The following HOMER1 variants were observed in gnomAD, a reference collection of about 807,000 sequenced individuals.
The protein encoded by HOMER1 is homer protein homolog 1.
A neutral mutation model predicts 48.9 loss-of-function variants in HOMER1; 3 were observed. That is an observed-to-expected ratio of 0.06 (90% CI 0.03 to 0.16). The LOEUF (loss-of-function observed/expected upper bound fraction) is 0.16, where lower values mean the gene tolerates loss of function less well. Among genes scored for constraint, HOMER1 ranks in the 10% least tolerant of loss-of-function variants. HOMER1 has a pLI of 1.00. For synonymous variants in HOMER1, 134 were observed against 146.4 expected (o/e 0.92, Z 0.61); for missense variants, 247 against 411.4 (o/e 0.60, Z 3.46).
intron 1 of HOMER1, among the ~76,000 whole-genome samples, chr5:79,490,622 T>C (rs1752241618): frequency 6.6e-6 from 1 of 151,984 alleles, no homozygotes; most frequent in South Asian, 2.1e-4. Context: ...AAAGAATCAA[T>C]GAAGTCAGAA....
chr5:79,437,654 AC>A (rs1260381124), intron 5 of HOMER1, among the ~76,000 whole-genome samples: 1 of 152,030 alleles, frequency 6.6e-6, no homozygotes, highest in Non-Finnish European at 1.5e-5. Flanking sequence ...TCCTAAACAA[AC>A]CTTTTTTGTT....
chr5:79,432,782 C>G (rs1750459661), intron 5 of HOMER1, among the ~76,000 whole-genome samples: 1 of 152,100 alleles, frequency 6.6e-6, no homozygotes. Context: ...GAATGCAGAA[C>G]AATGTACATG....
chr5:79,485,468 TTC>T (rs1752071841), intron 1 of HOMER1, among the ~76,000 whole-genome samples: 1 of 152,154 alleles, frequency 6.6e-6, no homozygotes. Context: ...CTCCTGGTGT[TTC>T]TGTGTATTTG....
At chr5:79,382,644 C>G (rs1027343680) in intron 8 of HOMER1, among the ~76,000 whole-genome samples, 1 of 152,196 alleles carries the variant, frequency 6.6e-6, no homozygotes, top group Non-Finnish European at 1.5e-5. Context: ...TATACCAGCC[C>G]TACAAGAAAT....
At chr5:79,409,613 G>C (rs1264913541) in intron 5 of HOMER1, among the ~76,000 whole-genome samples, 1 of 152,062 alleles carries the variant, frequency 6.6e-6, no homozygotes, top group Non-Finnish European at 1.5e-5. Flanking sequence ...TGGAAAGAGA[G>C]AAAATATTTG....
chr5:79,468,327 A>G (rs2112320560), intron 1 of HOMER1, among the ~76,000 whole-genome samples: 1 of 152,348 alleles, frequency 6.6e-6, no homozygotes, highest in South Asian at 2.1e-4. Flanking sequence ...CAGATCAAGT[A>G]TTTCCAATAA....
chr5:79,483,285 AG>A (rs1751997999), intron 1 of HOMER1, among the ~76,000 whole-genome samples: 1 of 152,186 alleles, frequency 6.6e-6, no homozygotes, highest in African/African-American at 2.4e-5. Context: ...ATATCTATAA[AG>A]TATAGAAAGA....
intron 2 of HOMER1, among the ~76,000 whole-genome samples, chr5:79,452,095 T>TG (rs1283473153): frequency 1.3e-5 from 2 of 152,182 alleles, no homozygotes; most frequent in African/African-American, 4.8e-5. Context: ...CTGCAGAACC[T>TG]GCATATACGA....
chr5:79,507,075 T>G (rs1244627609), intron 1 of HOMER1, among the ~76,000 whole-genome samples: 2 of 151,402 alleles, frequency 1.3e-5, no homozygotes, highest in Non-Finnish European at 2.9e-5. Flanking sequence ...TAGCCAGGTG[T>G]GGTGGCGCGC....
At chr5:79,427,029 A>G (rs948327063) in intron 5 of HOMER1, among the ~76,000 whole-genome samples, 10 of 152,214 alleles carry the variant, frequency 6.6e-5, no homozygotes, top group African/African-American at 9.6e-5. Context: ...GTCCTTTGAC[A>G]TAATTATGGC....
At chr5:79,507,585 AATT>A (rs1388614373) in intron 1 of HOMER1, among the ~76,000 whole-genome samples, 1 of 152,158 alleles carries the variant, frequency 6.6e-6, no homozygotes. Flanking sequence ...ATCAGAAAAA[AATT>A]ATATCAGAAA....
At chr5:79,423,884 C>T (rs112257833) in intron 5 of HOMER1, among the ~76,000 whole-genome samples, 13 of 152,076 alleles carry the variant, frequency 8.5e-5, no homozygotes, top group African/African-American at 2.2e-4. Context: ...TAAGTGCAAT[C>T]CCTTCATTTT....
Position 79,487,151 on chromosome 5 carries a change from C to T in HOMER1, c.5+25619G>A, listed in dbSNP as rs946885514. On this transcript the variant is annotated intron_variant, in intron 1 of 8. Coordinates refer to ENST00000334082, the MANE Select transcript of HOMER1 (RefSeq NM_004272.5). ...AAAATTAGCCAAGCGTGGTGGCGCACGCCTGTAGTCCCAGCTACTCAGGAG... is the reference window on the plus strand; with the variant it reads ...AAAATTAGCCAAGCGTGGTGGCGCATGCCTGTAGTCCCAGCTACTCAGGAG... Among the ~76,000 whole-genome samples the T allele has an allele frequency of 5.9e-5, 9 of 152,144 alleles. No individual in the cohort carries two copies. The South Asian group carries it at 1.0e-3, about 18-fold the overall frequency.
intron 5 of HOMER1, among the ~76,000 whole-genome samples, chr5:79,430,805 C>T (rs958999834): frequency 1.3e-5 from 2 of 151,134 alleles, no homozygotes; most frequent in Non-Finnish European, 2.9e-5. Context: ...AGCATGGTGG[C>T]GCACGCCTGT....
At chr5:79,479,129 C>G (rs1052906057) in intron 1 of HOMER1, among the ~76,000 whole-genome samples, 4 of 152,036 alleles carry the variant, frequency 2.6e-5, no homozygotes, top group African/African-American at 9.7e-5. Context: ...TGAGTAAAAC[C>G]GTAAACAGAA....
At chr5:79,379,771 ATTC>A (rs1425930000) in intron 8 of HOMER1, among the ~76,000 whole-genome samples, 2 of 151,764 alleles carry the variant, frequency 1.3e-5, no homozygotes, top group East Asian at 3.9e-4. Context: ...TTCCAAACTC[ATTC>A]TTCTGCTCAT....
chr5:79,426,000 CTA>C (rs771972510), intron 5 of HOMER1, among the ~76,000 whole-genome samples: 3 of 150,672 alleles, frequency 2.0e-5, no homozygotes, highest in Non-Finnish European at 4.4e-5. Context: ...TCTCCATTAA[CTA>C]TGTCACATTA....
intron 5 of HOMER1, among the ~76,000 whole-genome samples, chr5:79,432,500 T>A (rs972571732): frequency 6.6e-6 from 1 of 152,192 alleles, no homozygotes; most frequent in Non-Finnish European, 1.5e-5. Flanking sequence ...CTAATCGCCA[T>A]TGGAGGTGGG....
rs370393085 is a variant in HOMER1, at chr5:79,463,322, T to C, written c.6-6304A>G. 8.5e-5 allele frequency among the ~76,000 whole-genome samples: 13 copies of C among 152,314 alleles called. No individual in the cohort carries two copies. In the East Asian group the frequency reaches 1.7e-3, roughly 20 times the overall value. ...GAAAAGTTTGCTAGAAACTTCTAGG[T>C]ACACTCACAGACAGTACACATGTAA... On this transcript the variant is annotated intron_variant, in intron 1 of 8. Coordinates refer to ENST00000334082, the MANE Select transcript of HOMER1 (RefSeq NM_004272.5).
Sources: allele counts gnomAD v4.1 joint callset (sites outside exome capture counted in the v4.1 genomes callset), GRCh38; gene constraint gnomAD v4.1.1; transcripts MANE v1.5; gene names NCBI Gene and HGNC (gene_info 2026-07-23, HGNC 2026-07-21).